Variants in CEP290 observed in about 807,000 individuals in gnomAD.
CEP290 encodes centrosomal protein of 290 kDa.
In CEP290, 317 loss-of-function variants were observed where a neutral mutation model predicts 344.9. That is an observed-to-expected ratio of 0.92 (90% confidence interval 0.84 to 1.01). CEP290 has a LOEUF of 1.01. Among genes scored for constraint, CEP290 ranks in the 50% least tolerant of loss-of-function variants. The pLI is 0.00. For synonymous variants in CEP290, 932 were observed against 895.8 expected, an observed-to-expected ratio of 1.04 and a Z score of -0.72; for missense variants, 2,754 against 2,761.4, an observed-to-expected ratio of 1.00 and a Z score of 0.06.
chr12:88,090,657 C>T lies in CEP290; in HGVS notation c.3573+71G>A, dbSNP rs2036961531. 1.2e-5 allele frequency: 11 copies of T among 906,794 alleles called. No homozygotes were observed. In the East Asian group the frequency reaches 2.4e-4, roughly 20 times the overall value. 56.2% of individuals were successfully genotyped at this position (906,794 alleles called of 1,614,324 possible). A position where few individuals can be genotyped will look rare whatever the true frequency, so the allele number is the denominator to read the frequency against. ...AACAAACAAAAAGTATAACATATCC[C>T]ACTCCCAACATCTAATGTAAATTTA... On this transcript the variant is annotated intron_variant, in intron 30 of 53. Transcript: ENST00000552810.
chr12:88,110,635 G>A (rs188468879), intron 22 of CEP290, among the ~76,000 whole-genome samples: 13 of 152,236 alleles, frequency 8.5e-5, no homozygotes, highest in East Asian at 7.7e-4. Context: ...CTTAAACTCA[G>A]GAGGTGGAAG....
intron 13 of CEP290, among the ~76,000 whole-genome samples, chr12:88,123,271 G>GA: frequency 6.6e-6 from 1 of 152,182 alleles, no homozygotes; most frequent in East Asian, 1.9e-4. Flanking sequence ...ATCTTAAAGA[G>GA]AAAAATGTTT....
rs2037244123 is a variant in CEP290 at position 88,093,981 on chromosome 12, T to G, written c.3104-6A>C. ...ATCCATGCTAGATTCATTACCTACATGCAATAATATTTAAGTCAATCTCAT... is the reference window on the plus strand; with the variant it reads ...ATCCATGCTAGATTCATTACCTACAGGCAATAATATTTAAGTCAATCTCAT... On this transcript the variant is annotated splice_region_variant and splice_polypyrimidine_tract_variant and intron_variant, in intron 27 of 53. Transcript: ENST00000552810. 6.3e-7 allele frequency: 1 copy of G among 1,583,948 alleles called. No homozygotes were observed. The highest frequency in any genetic ancestry group is 8.6e-7 in the Non-Finnish European group (1 of 1,164,570).
chr12:88,053,839 T>A, intron 51 of CEP290, 93 bp from the exon 52 acceptor site: 1 of 639,516 alleles, frequency 1.6e-6, no homozygotes, highest in Admixed American at 3.0e-5. Flanking sequence ...TGTACAGTAA[T>A]CAGAACAAGC....
intron 23 of CEP290, 106 bp downstream of exon 23, chr12:88,108,960 A>G: frequency 4.1e-6 from 2 of 482,224 alleles, no homozygotes; most frequent in South Asian, 3.9e-5. Context: ...ACAATTGCAA[A>G]GGAAGAAGAA....
At chr12:88,068,780 T>A in intron 43 of CEP290, 135 bp from the exon 44 acceptor site, 1 of 813,236 alleles carries the variant, frequency 1.2e-6, no homozygotes, top group Non-Finnish European at 1.8e-6. Context: ...TCAAACCTTC[T>A]AAACTTTATA....
At chr12:88,096,049 AATTT>A (rs1462279179) in intron 27 of CEP290, among the ~76,000 whole-genome samples, 5 of 53,000 alleles carry the variant, frequency 9.4e-5, no homozygotes, top group Admixed American at 5.3e-4. Context: ...GAATAAAACA[AATTT>A]TTTTTTTTTT....
intron 11 of CEP290, among the ~76,000 whole-genome samples, chr12:88,128,139 C>A (rs1565911765): frequency 1.3e-5 from 2 of 152,098 alleles, no homozygotes; most frequent in African/African-American, 4.8e-5. Flanking sequence ...ATGCTATAAG[C>A]AGAGTTTAGT....
chr12:88,063,703 T>C (rs1465493869), intron 45 of CEP290, among the ~76,000 whole-genome samples: 1 of 152,066 alleles, frequency 6.6e-6, no homozygotes, highest in African/African-American at 2.4e-5. Context: ...GACATACTAT[T>C]TAGTGACTTG....
intron 41 of CEP290, among the ~76,000 whole-genome samples, chr12:88,072,352 C>T (rs1438360799): frequency 6.6e-6 from 1 of 152,078 alleles, no homozygotes; most frequent in Non-Finnish European, 1.5e-5. Flanking sequence ...CCACTTGTGG[C>T]ATCATATTGG....
At chr12:88,062,987 A>G (rs2034596478) in intron 45 of CEP290, among the ~76,000 whole-genome samples, 1 of 152,156 alleles carries the variant, frequency 6.6e-6, no homozygotes, top group African/African-American at 2.4e-5. Context: ...TATTTCCCAC[A>G]TTATTGCCTG....
chr12:88,126,379 T>C lies in CEP290; in HGVS notation c.1002A>G (p.Leu334=), dbSNP rs757621266. The change falls in exon 12 of 54, where the codon CTA becomes CTG. Residue 334 remains leucine (L), a synonymous_variant. Coordinates refer to ENST00000552810, the MANE Select transcript of CEP290 (RefSeq NM_025114.4). ...GCTGAGCATTCTTAAGTTTCTCCCT[T>C]AGGTTATGTAACATTTGCTGATACT... ...IIEYQQMLHN[L]REKLKNAQLD... The C allele has an allele frequency of 5.3e-6, 8 of 1,518,968 alleles. No individual in the cohort carries two copies. Among genetic ancestry groups the C allele is most frequent in the Non-Finnish European group, 7.0e-6 (8 of 1,138,232 alleles). 94.1% of individuals were successfully genotyped at this position (1,518,968 alleles called of 1,614,324 possible).
rs1206552589 is a variant in CEP290 at position 88,086,048 on chromosome 12, T to C, written c.4428A>G (p.Ser1476=). 1 of 1,610,040 alleles carries C rather than the reference T, an allele frequency of 6.2e-7. No individual in the cohort carries two copies. The highest frequency in any genetic ancestry group is 1.1e-5 in the South Asian group (1 of 90,114). The stretch of plus-strand genomic sequence containing the variant: ...AAATTCTTCTAATTACCTCTTCTAG[T>C]GATTTGCAAGTTGCCCGTGTTTCTA... ...IILETRATCK[S]LEEKLKEKES... is the part of the protein sequence containing the mutation. Residue 1476 remains serine (S), a synonymous_variant, in exon 34 of 54, where the codon TCA becomes TCG. Coordinates refer to ENST00000552810, the MANE Select transcript of CEP290 (RefSeq NM_025114.4).
Position 88,120,132 on chromosome 12 carries a change from C to A in CEP290, c.1504G>T (p.Ala502Ser). 6.5e-7 allele frequency: 1 copy of A among 1,547,594 alleles called. No homozygotes were observed. ...KISDFLDENE[A>S]LRERVGLEPK... ...GGCTTACCCACACGCTCTCTAAGTG[C>A]CTCATTTTCATCAAGGAAATCACTG... The change falls in exon 15 of 54, where the codon GCA (alanine) becomes TCA (serine). Residue 502 changes from alanine (A) to serine (S), a missense_variant. By Grantham distance (99) the Ala-to-Ser change is moderately conservative. Transcript: ENST00000552810.
intron 37 of CEP290, among the ~76,000 whole-genome samples, chr12:88,082,334 C>T (rs572518088): frequency 6.6e-5 from 10 of 152,228 alleles, no homozygotes; most frequent in South Asian, 6.2e-4. Flanking sequence ...CTTTCATACA[C>T]GGTATAATTT....
chr12:88,136,537 T>G, intron 6 of CEP290, 106 bp downstream of exon 6: 1 of 1,152,386 alleles, frequency 8.7e-7, no homozygotes, highest in Non-Finnish European at 1.3e-6. Context: ...GTGTACATCA[T>G]TTTTCAAATA....
At chr12:88,072,492 T>C (rs1045188083) in intron 41 of CEP290, among the ~76,000 whole-genome samples, 4 of 152,176 alleles carry the variant, frequency 2.6e-5, no homozygotes, top group African/African-American at 9.6e-5. Context: ...TATGCTTTAT[T>C]CTATCACAAG....
At chr12:88,088,313 A>G (rs2036751736) in intron 31 of CEP290, among the ~76,000 whole-genome samples, 1 of 152,176 alleles carries the variant, frequency 6.6e-6, no homozygotes, top group Non-Finnish European at 1.5e-5. Flanking sequence ...TTGCAAGATA[A>G]TTATTTTTCA....
At position 88,118,475 on chromosome 12, in the gene CEP290, G is replaced by A. The variant is rs765158159; in HGVS notation, c.1711+8C>T. ...TTCTTTTTAAAGGTTTAGAATAACT[G>A]AGTATACCTGAAGTTGCACTTCTTT... On this transcript the variant is annotated splice_region_variant and intron_variant, in intron 17 of 53. Transcript: ENST00000552810. The A allele has an allele frequency of 3.7e-5, 57 of 1,545,758 alleles. No individual in the cohort carries two copies. Among genetic ancestry groups the A allele is most frequent in the Non-Finnish European group, 4.9e-5 (56 of 1,141,842 alleles).
Sources: allele counts gnomAD v4.1 joint callset (sites outside exome capture counted in the v4.1 genomes callset), GRCh38; gene constraint gnomAD v4.1.1; transcripts MANE v1.5; gene names NCBI Gene and HGNC (gene_info 2026-07-23, HGNC 2026-07-21).